SLC25A21: variants seen among roughly 807,000 people sequenced by gnomAD.
The protein encoded by SLC25A21 is solute carrier family 25 member 21.
In SLC25A21, 47 loss-of-function variants were observed where a neutral mutation model predicts 43.8. The observed-to-expected ratio is 1.07, with a 90% confidence interval of 0.85 to 1.37. SLC25A21 has a LOEUF of 1.37. Among genes scored for constraint, SLC25A21 ranks in the 40% most tolerant of loss-of-function variants. The pLI is 0.00. For missense variants in SLC25A21, 352 were observed against 350.2 expected, an observed-to-expected ratio of 1.00 and a Z score of -0.04; for synonymous variants, 131 against 121.3, an observed-to-expected ratio of 1.08 and a Z score of -0.52.
At position 36,813,003 on chromosome 14, in the gene SLC25A21, A is replaced by G. The variant is rs183578975; in HGVS notation, c.203+915T>C. Among the ~76,000 whole-genome samples the G allele has an allele frequency of 4.6e-5, 7 of 152,320 alleles. No homozygotes were observed. In the East Asian group the frequency reaches 1.3e-3, roughly 29 times the overall value. Reference sequence around the variant, plus strand: ...CATTTTTGAAAGATTATTATTTTCAATGAATTTTCTTATAAAAACAATTTC... The same window carrying G: ...CATTTTTGAAAGATTATTATTTTCAGTGAATTTTCTTATAAAAACAATTTC... On this transcript the variant is annotated intron_variant, in intron 3 of 9. Coordinates refer to ENST00000331299, the MANE Select transcript of SLC25A21 (RefSeq NM_030631.4).
At position 36,764,095 on chromosome 14, in the gene SLC25A21, G is replaced by A. The variant is rs186208286; in HGVS notation, c.204-29522C>T. On this transcript the variant is annotated intron_variant, in intron 3 of 9. Coordinates refer to ENST00000331299, the MANE Select transcript of SLC25A21 (RefSeq NM_030631.4). Reference sequence around the variant, plus strand: ...AAGAAAGAAAGAAGGAAGGAAGGAAGGAAGGAAGGAAGGAAGGAAAGAAGG... The same window carrying A: ...AAGAAAGAAAGAAGGAAGGAAGGAAAGAAGGAAGGAAGGAAGGAAAGAAGG... 9.9e-3 allele frequency among the ~76,000 whole-genome samples: 295 copies of A among 29,724 alleles called. 5 individuals carry two copies. Among genetic ancestry groups the A allele is most frequent in the East Asian group, 0.052 (20 of 382 alleles). The allele number at this position is 29,724 out of a possible 152,430, so 19.5% of individuals were successfully genotyped here.
At chr14:36,950,658 G>A (rs191516206) in intron 1 of SLC25A21, among the ~76,000 whole-genome samples, 85 of 152,262 alleles carry the variant, frequency 5.6e-4, no homozygotes, top group Non-Finnish European at 9.3e-4. Flanking sequence ...AGATGCAAAC[G>A]GTGAACAGAC....
At chr14:36,936,625 C>T (rs887854698) in intron 1 of SLC25A21, among the ~76,000 whole-genome samples, 8 of 152,142 alleles carry the variant, frequency 5.3e-5, no homozygotes, top group African/African-American at 1.4e-4. Flanking sequence ...GTTCAAAACA[C>T]GTGTGACTTT....
At chr14:36,794,426 T>C (rs974309062) in intron 3 of SLC25A21, among the ~76,000 whole-genome samples, 9 of 152,184 alleles carry the variant, frequency 5.9e-5, no homozygotes, top group African/African-American at 2.2e-4. Flanking sequence ...TATGACTATG[T>C]AATGCATCAA....
intron 1 of SLC25A21, among the ~76,000 whole-genome samples, chr14:36,893,239 T>A (rs2138585747): frequency 6.6e-6 from 1 of 152,326 alleles, no homozygotes; most frequent in South Asian, 2.1e-4. Context: ...ATGATTGCCA[T>A]TCTAACTGGT....
In SLC25A21 at chr14:36,678,666, A is replaced by G; in HGVS notation, c.*1992T>C. The G allele has an allele frequency of 1.6e-6, 2 of 1,252,562 alleles. No homozygotes were observed. Among genetic ancestry groups the G allele is most frequent in the Admixed American group, 3.9e-5 (1 of 25,952 alleles). 77.6% of individuals were successfully genotyped at this position (1,252,562 alleles called of 1,614,324 possible). On this transcript the variant is annotated 3_prime_UTR_variant, in exon 10 of 10. Coordinates refer to ENST00000331299, the MANE Select transcript of SLC25A21 (RefSeq NM_030631.4). ...CTGTTAGGGGGCTTTAAAAAATATT[A>G]CTTGCTTGTGTGGAAATGCAAATAA...
At chr14:37,019,028 C>T (rs2138750736) in intron 1 of SLC25A21, among the ~76,000 whole-genome samples, 1 of 152,034 alleles carries the variant, frequency 6.6e-6, no homozygotes, top group Non-Finnish European at 1.5e-5. Flanking sequence ...TTGTGGTTTC[C>T]CTGATATTCT....
chr14:37,160,910 A>G (rs1375163839), intron 1 of SLC25A21, among the ~76,000 whole-genome samples: 1 of 147,196 alleles, frequency 6.8e-6, no homozygotes, highest in Non-Finnish European at 1.5e-5. Flanking sequence ...AGCCTGGGCA[A>G]CAGAGTGAGA....
At chr14:36,777,264 A>C (rs1983989) in intron 3 of SLC25A21, among the ~76,000 whole-genome samples, 27,345 of 152,140 alleles carry the variant, frequency 0.18, 2,899 homozygotes, top group East Asian at 0.39. Context: ...TCTCAAAAAA[A>C]CAAAAACAAA....
At chr14:36,754,633 CCT>C (rs1885854558) in intron 3 of SLC25A21, among the ~76,000 whole-genome samples, 1 of 152,002 alleles carries the variant, frequency 6.6e-6, no homozygotes, top group Non-Finnish European at 1.5e-5. Context: ...TGGTCTGTCC[CCT>C]GTGCCATATC....
chr14:36,920,815 G>T (rs1891959996), intron 1 of SLC25A21, among the ~76,000 whole-genome samples: 1 of 152,066 alleles, frequency 6.6e-6, no homozygotes, highest in Admixed American at 6.6e-5. Context: ...CCCAGAAAAA[G>T]AGGAGCACTA....
chr14:36,807,958 G>A (rs1455580727), intron 3 of SLC25A21, among the ~76,000 whole-genome samples: 1 of 152,098 alleles, frequency 6.6e-6, no homozygotes, highest in Non-Finnish European at 1.5e-5. Context: ...CATAAAACGA[G>A]GCCTTAAATG....
intron 3 of SLC25A21, among the ~76,000 whole-genome samples, chr14:36,767,630 ATGTGTAAATCC>A (rs1224502087): frequency 6.6e-6 from 1 of 152,242 alleles, no homozygotes; most frequent in Admixed American, 6.5e-5. Context: ...GTAAGATCAA[ATGTGTAAATCC>A]CAGGCCTGCA....
At chr14:36,910,570 C>T (rs775792723) in intron 1 of SLC25A21, among the ~76,000 whole-genome samples, 2 of 152,060 alleles carry the variant, frequency 1.3e-5, no homozygotes, top group African/African-American at 4.8e-5. Flanking sequence ...AGGAATTAAT[C>T]AGAAATATAT....
chr14:37,170,664 C>A (rs376770460), intron 1 of SLC25A21, among the ~76,000 whole-genome samples: 2 of 151,916 alleles, frequency 1.3e-5, no homozygotes, highest in Non-Finnish European at 2.9e-5. Flanking sequence ...TGGTGGCTCA[C>A]GCCTGTAGTC....
rs1886349642 is a variant in SLC25A21, at chr14:36,764,779, G to A, written c.204-30206C>T. 2.0e-5 allele frequency among the ~76,000 whole-genome samples: 3 copies of A among 152,278 alleles called. No homozygotes were observed. In the South Asian group the frequency reaches 6.2e-4, roughly 32 times the overall value. ...GGAGGCAGCAACTGCAGCTTCCTTA[G>A]TAATGGGAGGCGGTGCCCCTAAACT... On this transcript the variant is annotated intron_variant, in intron 3 of 9. Coordinates refer to ENST00000331299, the MANE Select transcript of SLC25A21 (RefSeq NM_030631.4).
At chr14:36,779,384 CACATATATGTAAGAATAAACATATTCTT>C (rs1464840537) in intron 3 of SLC25A21, among the ~76,000 whole-genome samples, 2 of 143,374 alleles carry the variant, frequency 1.4e-5, no homozygotes, top group African/African-American at 5.1e-5. Flanking sequence ...TATATACACA[CACATATATGTAAGAATAAACATATTCTT>C]ATATATATAA....
At chr14:36,850,871 CTT>C (rs1403622475) in intron 2 of SLC25A21, among the ~76,000 whole-genome samples, 1 of 152,192 alleles carries the variant, frequency 6.6e-6, no homozygotes, top group African/African-American at 2.4e-5. Flanking sequence ...GAAATTCAGA[CTT>C]AATGCATAAT....
chr14:37,101,432 C>A (rs1026706485), intron 1 of SLC25A21, among the ~76,000 whole-genome samples: 12 of 152,116 alleles, frequency 7.9e-5, no homozygotes, highest in Non-Finnish European at 1.5e-4. Flanking sequence ...TAATGAAAAC[C>A]ATTTATGACA....
Sources: gnomAD v4.1 joint callset for allele counts (sites outside exome capture counted in the v4.1 genomes callset) on GRCh38, gnomAD v4.1.1 for gene constraint, MANE v1.5 for transcripts, NCBI Gene and HGNC (gene_info 2026-07-23, HGNC 2026-07-21) for gene names.